ARMC2: variants seen among roughly 807,000 people sequenced by gnomAD.
The protein encoded by ARMC2 is armadillo repeat-containing protein 2.
A neutral mutation model predicts 90.3 loss-of-function variants in ARMC2; 67 were observed. That is an observed-to-expected ratio of 0.74 (90% CI 0.61 to 0.91). The LOEUF (loss-of-function observed/expected upper bound fraction) is 0.91. Ranked by LOEUF, ARMC2 falls within the 40% of genes least tolerant of loss-of-function variation. The pLI is 0.00. For missense variants in ARMC2, 920 were observed against 1,030.9 expected (o/e 0.89, Z 1.47); for synonymous variants, 393 against 393.0 (o/e 1.00, Z 0.00).
At chr6:108,905,055 G>A (rs1282321852) in intron 8 of ARMC2, among the ~76,000 whole-genome samples, 1 of 152,166 alleles carries the variant, frequency 6.6e-6, no homozygotes, top group African/African-American at 2.4e-5. Flanking sequence ...GCCATAAACA[G>A]TTGGAACCAA....
the ARMC2 span, chr6:108,990,852 G>T: frequency 6.3e-7 from 1 of 1,599,342 alleles, no homozygotes; most frequent in South Asian, 1.1e-5. Flanking sequence ...ACAGGGAATA[G>T]AACAAATGTG....
chr6:108,990,536 G>A, the ARMC2 span: 3 of 937,584 alleles, frequency 3.2e-6, no homozygotes, highest in Non-Finnish European at 5.0e-6. Flanking sequence ...TTATTGGGGA[G>A]GGGATGGGTT....
Position 108,911,025 on chromosome 6 carries a change from T to C in ARMC2, c.1126+24T>C, listed in dbSNP as rs766245427. 32 of 1,375,240 alleles carry C rather than the reference T, an allele frequency of 2.3e-5. 1 individual carries two copies. In the South Asian group the frequency reaches 4.3e-4, roughly 18 times the overall value. 85.2% of individuals were successfully genotyped at this position (1,375,240 alleles called of 1,614,324 possible). ...GGGTGAGTGTCATTCAGTGCTACTA[T>C]TGAGCAAATGCTGTACTTGAGTAAA... On this transcript the variant is annotated intron_variant, in intron 9 of 17. Coordinates refer to ENST00000392644, the MANE Select transcript of ARMC2 (RefSeq NM_032131.6).
At chr6:108,998,764 G>GA in the ARMC2 span, 25,399 of 1,009,878 alleles carry the variant, frequency 0.025, 2 homozygotes, top group South Asian at 0.034. Flanking sequence ...CCCTTAGGGG[G>GA]AAAAAAAAAA....
At chr6:108,918,337 CTTTG>C (rs563257410) in intron 10 of ARMC2, among the ~76,000 whole-genome samples, 28 of 152,114 alleles carry the variant, frequency 1.8e-4, no homozygotes, top group South Asian at 4.1e-4. Flanking sequence ...GATCCCACCA[CTTTG>C]TTTGGAGCCG....
At chr6:108,924,180 C>G (rs1327646489) in intron 10 of ARMC2, 1 of 152,114 alleles carries the variant, frequency 6.6e-6, no homozygotes, top group East Asian at 1.9e-4. Flanking sequence ...TGATCAGCCT[C>G]GGAAAGGACT....
chr6:108,871,283 G>T (rs551489194), intron 4 of ARMC2, among the ~76,000 whole-genome samples: 87 of 152,214 alleles, frequency 5.7e-4, no homozygotes, highest in African/African-American at 1.9e-3. Context: ...AAAAGATAGG[G>T]TTTACCAAAG....
At chr6:108,989,572 G>T in the ARMC2 span, among the ~76,000 whole-genome samples, 1 of 127,614 alleles carries the variant, frequency 7.8e-6, no homozygotes, top group Admixed American at 7.5e-5. Flanking sequence ...TAGATCTAGA[G>T]ATATCTATAT....
intron 10 of ARMC2, among the ~76,000 whole-genome samples, chr6:108,919,016 C>A (rs1466610301): frequency 6.6e-6 from 1 of 152,068 alleles, no homozygotes; most frequent in African/African-American, 2.4e-5. Context: ...GAGAAGAGCA[C>A]CAAAGAGAAA....
At chr6:108,988,657 G>T in the ARMC2 span, 5 of 1,609,594 alleles carry the variant, frequency 3.1e-6, no homozygotes, top group Non-Finnish European at 3.4e-6. Flanking sequence ...CCAATAGCTG[G>T]TTAATTTCAC....
intron 15 of ARMC2, among the ~76,000 whole-genome samples, chr6:108,963,307 A>G (rs1275197116): frequency 6.6e-6 from 1 of 152,224 alleles, no homozygotes; most frequent in East Asian, 1.9e-4. Flanking sequence ...ATAACTCTCC[A>G]TGTTCGTAAT....
In ARMC2 at chr6:108,904,436, C is replaced by G. The variant is rs758350463; in HGVS notation, c.1023+31C>G. ...TTTTTCTTTCCTCTGGTCTAGTAGACTATATCACATAAAAGCTTTGTTTAA... is the reference window on the plus strand; with the variant it reads ...TTTTTCTTTCCTCTGGTCTAGTAGAGTATATCACATAAAAGCTTTGTTTAA... On this transcript the variant is annotated intron_variant, in intron 8 of 17. Transcript: ENST00000392644. 3 of 1,532,378 alleles carry G rather than the reference C, an allele frequency of 2.0e-6. No individual in the cohort carries two copies. In the African/African-American group the frequency reaches 4.2e-5, roughly 22 times the overall value. The allele number at this position is 1,532,378 out of a possible 1,614,324, so 94.9% of individuals were successfully genotyped here.
intron 4 of ARMC2, among the ~76,000 whole-genome samples, chr6:108,870,594 AAGGAAAG>A (rs1025811705): frequency 3.3e-5 from 5 of 150,340 alleles, no homozygotes; most frequent in African/African-American, 1.3e-4. Context: ...GGAAAGAAAA[AAGGAAAG>A]AAGGAAAGAA....
chr6:108,994,952 C>T, the ARMC2 span, among the ~76,000 whole-genome samples: 11 of 152,220 alleles, frequency 7.2e-5, no homozygotes, highest in African/African-American at 2.6e-4. Context: ...GATCTGTCCA[C>T]CTCGGCCTTC....
intron 10 of ARMC2, among the ~76,000 whole-genome samples, chr6:108,926,419 A>G (rs1775104857): frequency 6.6e-6 from 1 of 152,228 alleles, no homozygotes; most frequent in Non-Finnish European, 1.5e-5. Flanking sequence ...ATGGTTCATT[A>G]GTCTTCACAA....
At chr6:109,001,353 G>A in the ARMC2 span, 15 of 1,613,858 alleles carry the variant, frequency 9.3e-6, no homozygotes, top group Non-Finnish European at 1.3e-5. Flanking sequence ...AGATAGTGCT[G>A]AGTTTTTAAG....
chr6:108,901,411 G>A (rs1346627038), intron 7 of ARMC2, among the ~76,000 whole-genome samples: 9 of 86,308 alleles, frequency 1.0e-4, no homozygotes, highest in Non-Finnish European at 2.2e-4. Flanking sequence ...CACCGCACCT[G>A]GCCTAATTTT....
the ARMC2 span, among the ~76,000 whole-genome samples, chr6:109,021,547 C>T: frequency 2.5e-4 from 38 of 151,990 alleles, no homozygotes; most frequent in Non-Finnish European, 5.1e-4. Context: ...AAGCAATTCT[C>T]GTGCCTCAGC....
intron 15 of ARMC2, among the ~76,000 whole-genome samples, chr6:108,962,525 T>A (rs1778070752): frequency 1.3e-5 from 2 of 152,246 alleles, no homozygotes; most frequent in African/African-American, 4.8e-5. Flanking sequence ...GGTATATTCA[T>A]GCAATAAAAT....
Sources: allele counts gnomAD v4.1 joint callset (sites outside exome capture counted in the v4.1 genomes callset), GRCh38; gene constraint gnomAD v4.1.1; transcripts MANE v1.5; gene names NCBI Gene and HGNC (gene_info 2026-07-23, HGNC 2026-07-21).